Variants in STX18 observed in about 807,000 individuals in gnomAD.
STX18 encodes the protein syntaxin-18.
Under a neutral mutation model 50.1 loss-of-function variants are expected in STX18, and 40 were observed. The observed-to-expected ratio is 0.80, with a 90% confidence interval of 0.62 to 1.04. The LOEUF is 1.04. Ranked by LOEUF, STX18 falls within the 50% of genes least tolerant of loss-of-function variation. The pLI is 0.00. For missense variants in STX18, 410 were observed against 415.8 expected (o/e 0.99, Z 0.12); for synonymous variants, 158 against 151.8 (o/e 1.04, Z -0.30).
chr4:4,464,337 T>C (rs1236887160), intron 2 of STX18, among the ~76,000 whole-genome samples: 1 of 152,234 alleles, frequency 6.6e-6, no homozygotes, highest in African/African-American at 2.4e-5. Context: ...GTGTTGCTTA[T>C]AATGTTTTTT....
At chr4:4,500,051 T>A (rs1729365798) in intron 1 of STX18, among the ~76,000 whole-genome samples, 1 of 152,080 alleles carries the variant, frequency 6.6e-6, no homozygotes, top group Admixed American at 6.6e-5. Context: ...GATCCTATCT[T>A]CAATGGGATT....
At position 4,541,989 on chromosome 4, in the gene STX18, A is replaced by C; in HGVS notation, c.-25T>G. On this transcript the variant is annotated 5_prime_UTR_variant, in exon 1 of 11. Transcript: ENST00000306200. ...TAGCGACCCGCACCCTCAGCCCCAC[A>C]CTAGGCCCGCCCACGTAAGCAGCCG... The C allele has an allele frequency of 6.4e-7, 1 of 1,561,314 alleles. No individual in the cohort carries two copies. The highest frequency in any genetic ancestry group is 8.7e-7 in the Non-Finnish European group (1 of 1,153,594).
At chr4:4,507,847 C>T (rs921895086) in intron 1 of STX18, 29 of 627,820 alleles carry the variant, frequency 4.6e-5, no homozygotes, top group African/African-American at 7.9e-5. Flanking sequence ...AGTTAAAAAG[C>T]GGCAGCTAGC....
chr4:4,459,054 A>ACACACATG (rs1482608644), intron 3 of STX18, among the ~76,000 whole-genome samples: 54 of 134,874 alleles, frequency 4.0e-4, no homozygotes, highest in African/African-American at 1.8e-3. Context: ...CACAGAACAC[A>ACACACATG]CACACACGCA....
chr4:4,425,238 C>T lies in STX18; in HGVS notation c.703-16G>A, dbSNP rs1725187142. 6.2e-7 allele frequency: 1 copy of T among 1,612,194 alleles called. No individual in the cohort carries two copies. The highest frequency in any genetic ancestry group is 1.3e-5 in the African/African-American group (1 of 74,888). On this transcript the variant is annotated splice_polypyrimidine_tract_variant and intron_variant, in intron 7 of 10. Transcript: ENST00000306200. ...CCTGTTCAAACTGTGAGGAAACAGA[C>T]ACACTCAGGATGACATCATACTGAA...
chr4:4,501,724 G>T (rs1729470833), intron 1 of STX18, among the ~76,000 whole-genome samples: 1 of 152,162 alleles, frequency 6.6e-6, no homozygotes, highest in Admixed American at 6.5e-5. Context: ...AGCAGATCAT[G>T]AACAATAACT....
At chr4:4,456,194 T>G (rs1262717021) in intron 5 of STX18, among the ~76,000 whole-genome samples, 5 of 151,768 alleles carry the variant, frequency 3.3e-5, no homozygotes, top group Admixed American at 6.6e-5. Flanking sequence ...GTGGGAGGAT[T>G]GTTTGAGCCC....
At position 4,420,514 on chromosome 4, in the gene STX18, G is replaced by A; in HGVS notation, c.912+350C>T. 1 of 398,630 alleles carries A rather than the reference G, an allele frequency of 2.5e-6. No individual in the cohort carries two copies. Among genetic ancestry groups the A allele is most frequent in the Non-Finnish European group, 4.6e-6 (1 of 218,936 alleles). 24.7% of individuals were successfully genotyped at this position (398,630 alleles called of 1,614,324 possible). A position where few individuals can be genotyped will look rare whatever the true frequency, so the allele number is the denominator to read the frequency against. ...GTCCCCTCAACAGGATGGCTGTAGT[G>A]TCCTCTGTAAGCAGGGGCCAGGCTC... On this transcript the variant is annotated intron_variant, in intron 10 of 10. Coordinates refer to ENST00000306200, the MANE Select transcript of STX18 (RefSeq NM_016930.4). The surrounding 1 kb of genome is among the most constrained non-coding windows in gnomAD (Gnocchi z 4.3).
At chr4:4,462,778 T>C (rs1727448241) in intron 2 of STX18, among the ~76,000 whole-genome samples, 1 of 152,222 alleles carries the variant, frequency 6.6e-6, no homozygotes, top group Non-Finnish European at 1.5e-5. Flanking sequence ...AGTTCTATCT[T>C]CTGAAGTTAT....
At chr4:4,464,719 C>T (rs1727535314) in intron 2 of STX18, among the ~76,000 whole-genome samples, 1 of 152,160 alleles carries the variant, frequency 6.6e-6, no homozygotes, top group Admixed American at 6.5e-5. Context: ...GTTTGATTTC[C>T]ATGCAGTTGT....
intron 1 of STX18, among the ~76,000 whole-genome samples, chr4:4,520,797 G>A (rs1433149945): frequency 6.6e-6 from 1 of 152,102 alleles, no homozygotes; most frequent in Non-Finnish European, 1.5e-5. Context: ...ATAAATAAAT[G>A]TACTCAAAGC....
intron 1 of STX18, among the ~76,000 whole-genome samples, chr4:4,527,824 T>TTA (rs899145664): frequency 9.0e-4 from 95 of 105,702 alleles, no homozygotes; most frequent in Non-Finnish European, 1.4e-3. Flanking sequence ...ATATATAATT[T>TTA]TATATATATA....
intron 6 of STX18, among the ~76,000 whole-genome samples, chr4:4,436,764 C>T (rs887000485): frequency 2.0e-5 from 3 of 152,230 alleles, no homozygotes; most frequent in African/African-American, 7.2e-5. Context: ...AGGCCCTACC[C>T]ACCCTTCCAA....
At position 4,432,070 on chromosome 4, in the gene STX18, T is replaced by C. The variant is rs180711121; in HGVS notation, c.702+2700A>G. Among the ~76,000 whole-genome samples the C allele has an allele frequency of 4.0e-3, 606 of 152,332 alleles. 2 individuals carry two copies. The highest frequency in any genetic ancestry group is 8.8e-3 in the Admixed American group (135 of 15,308). ...GACCTTGCAGGGCACTTTAAGGTGT[T>C]TGAGTCATTTTCTTAGTTCAGAATT... On this transcript the variant is annotated intron_variant, in intron 7 of 10. Coordinates refer to ENST00000306200, the MANE Select transcript of STX18 (RefSeq NM_016930.4).
intron 1 of STX18, among the ~76,000 whole-genome samples, chr4:4,484,921 A>G (rs1728634773): frequency 6.6e-6 from 1 of 152,242 alleles, no homozygotes; most frequent in South Asian, 2.1e-4. Context: ...GTAATAAAGA[A>G]AAGAGGAAGG....
At chr4:4,446,960 A>G (rs1726442780) in intron 5 of STX18, among the ~76,000 whole-genome samples, 1 of 152,176 alleles carries the variant, frequency 6.6e-6, no homozygotes, top group African/African-American at 2.4e-5. Flanking sequence ...TTCAGCAATG[A>G]AGAAGAACAT....
At chr4:4,437,840 T>TC (rs1272091727) in intron 6 of STX18, among the ~76,000 whole-genome samples, 1 of 152,236 alleles carries the variant, frequency 6.6e-6, no homozygotes, top group East Asian at 1.9e-4. Flanking sequence ...ACTGTGTATG[T>TC]CCCCCTACAT....
At chr4:4,485,874 T>C (rs898379670) in intron 1 of STX18, among the ~76,000 whole-genome samples, 1 of 152,226 alleles carries the variant, frequency 6.6e-6, no homozygotes, top group Non-Finnish European at 1.5e-5. Flanking sequence ...CTACTGGTAC[T>C]TTCCTGCACG....
At chr4:4,421,507 G>A (rs189252707) in intron 9 of STX18, among the ~76,000 whole-genome samples, 2 of 152,178 alleles carry the variant, frequency 1.3e-5, no homozygotes, top group Admixed American at 1.3e-4. Flanking sequence ...CTCCCGCCTC[G>A]GCCTCCCAGA....
Sources: allele counts gnomAD v4.1 joint callset (sites outside exome capture counted in the v4.1 genomes callset), GRCh38; gene constraint gnomAD v4.1.1; non-coding constraint Gnocchi (gnomAD v3.1); transcripts MANE v1.5; gene names NCBI Gene and HGNC (gene_info 2026-07-23, HGNC 2026-07-21).